The following STS variants were observed in gnomAD, a reference collection of about 807,000 sequenced individuals.
STS encodes the protein steryl-sulfatase.
STS carries 7 observed loss-of-function variants against 26.8 expected under a neutral mutation model. That is an observed-to-expected ratio of 0.26 (90% confidence interval 0.15 to 0.49). The LOEUF (loss-of-function observed/expected upper bound fraction) is 0.49. STS is among the 20% of genes least tolerant of loss of function. The pLI, the probability that STS is intolerant of heterozygous loss-of-function variation, is 0.98. For synonymous variants in STS, 199 were observed against 189.4 expected (o/e 1.05, Z -0.42); for missense variants, 434 against 465.6 (o/e 0.93, Z 0.63).
intron 9 of STS, among the ~76,000 whole-genome samples, chrX:7,331,609 A>G (rs1313834061): frequency 8.9e-6 from 1 of 112,052 alleles, no homozygotes; most frequent in Non-Finnish European, 1.9e-5. Flanking sequence ...TTCTAAAAGC[A>G]TTTTTGTACT....
At chrX:7,210,334 G>T (rs778630949) in intron 2 of STS, among the ~76,000 whole-genome samples, 1 of 110,263 alleles carries the variant, frequency 9.1e-6, no homozygotes, top group Admixed American at 9.8e-5. Flanking sequence ...GTGTGAGATG[G>T]TATCTCATTG....
At chrX:7,301,997 TATAA>T (rs1448342955) in intron 7 of STS, among the ~76,000 whole-genome samples, 1 of 112,306 alleles carries the variant, frequency 8.9e-6, no homozygotes, top group Non-Finnish European at 1.9e-5. Context: ...TTTTGACGAT[TATAA>T]ATAGACATGG....
At chrX:7,244,783 T>G (rs1922788073) in intron 2 of STS, among the ~76,000 whole-genome samples, 1 of 111,233 alleles carries the variant, frequency 9.0e-6, no homozygotes, top group Admixed American at 9.6e-5. Context: ...CCAGTCCACA[T>G]GTCAATAGTG....
intron 2 of STS, among the ~76,000 whole-genome samples, chrX:7,250,143 G>A (rs747675402): frequency 9.1e-6 from 1 of 109,985 alleles, no homozygotes; most frequent in Non-Finnish European, 1.9e-5. Context: ...TCCCAGGCTG[G>A]TCTCCAACTC....
intron 2 of STS, among the ~76,000 whole-genome samples, chrX:7,191,714 C>A (rs1390342077): frequency 3.7e-5 from 4 of 108,857 alleles, no homozygotes; most frequent in African/African-American, 1.4e-4. Context: ...GCTTTTTCCC[C>A]TGGTGGAGTT....
At chrX:7,259,242 C>A in intron 5 of STS, 107 bp from the exon 6 acceptor site, 1 of 869,013 alleles carries the variant, frequency 1.2e-6, no homozygotes, top group Non-Finnish European at 1.7e-6. Context: ...AGGCTAGCTT[C>A]ATGAAATAGT....
chrX:7,331,423 A>G (rs1163166345), intron 9 of STS, among the ~76,000 whole-genome samples: 2 of 111,007 alleles, frequency 1.8e-5, no homozygotes, highest in African/African-American at 6.6e-5. Context: ...AAGAGCCATG[A>G]GGGCACTAGG....
intron 1 of STS, among the ~76,000 whole-genome samples, chrX:7,170,527 T>TC (rs1296520925): frequency 9.0e-6 from 1 of 110,958 alleles, no homozygotes; most frequent in African/African-American, 3.3e-5. Context: ...AGCCTTAAAG[T>TC]CCTGGGCTCA....
At chrX:7,349,841 C>A (rs754211095) in intron 10 of STS, 47 bp from the exon 11 acceptor site, 3 of 1,207,394 alleles carry the variant, frequency 2.5e-6, no homozygotes, top group Non-Finnish European at 3.4e-6. Context: ...GTGGTACATA[C>A]AAGGATGCTT....
At chrX:7,266,982 T>C (rs1174167644) in intron 6 of STS, among the ~76,000 whole-genome samples, 1 of 112,227 alleles carries the variant, frequency 8.9e-6, no homozygotes, top group Non-Finnish European at 1.9e-5. Flanking sequence ...TAAATAGATG[T>C]CTCACTGTGG....
intron 2 of STS, among the ~76,000 whole-genome samples, chrX:7,209,224 G>A (rs984064710): frequency 2.7e-5 from 3 of 110,863 alleles, no homozygotes; most frequent in Admixed American, 1.9e-4. Context: ...TTACATGTAG[G>A]GGTGGTGCCA....
intron 7 of STS, among the ~76,000 whole-genome samples, chrX:7,302,343 T>G (rs1181393694): frequency 9.0e-6 from 1 of 111,451 alleles, no homozygotes; most frequent in Non-Finnish European, 1.9e-5. Flanking sequence ...CTCATTAAGC[T>G]AATTACCATT....
chrX:7,172,444 C>T lies in STS; in HGVS notation c.-133-18436C>T, dbSNP rs138822709. 1.2e-3 allele frequency among the ~76,000 whole-genome samples: 137 copies of T among 111,220 alleles called. 4 individuals are homozygous for T. In the East Asian group the frequency reaches 0.037, roughly 30 times the overall value. On this transcript the variant is annotated intron_variant, in intron 1 of 10. Transcript: ENST00000674429. ...CTAATTACAGTCATTTTCTACAAATCGCCTATGGAATTCATTCCTGTACTT... is the reference window on the plus strand; with the variant it reads ...CTAATTACAGTCATTTTCTACAAATTGCCTATGGAATTCATTCCTGTACTT...
chrX:7,310,361 C>G (rs1473043346), intron 8 of STS, among the ~76,000 whole-genome samples: 3 of 112,066 alleles, frequency 2.7e-5, no homozygotes, highest in Non-Finnish European at 5.6e-5. Flanking sequence ...TTAACTCTTT[C>G]TAGGAAATTT....
intron 5 of STS, 31 bp from the exon 6 acceptor site, chrX:7,259,318 G>T (rs1923603516): frequency 1.7e-6 from 2 of 1,186,547 alleles, no homozygotes; most frequent in Admixed American, 2.2e-5. Flanking sequence ...TGTTTATTGG[G>T]ACTGAAGTGA....
chrX:7,271,936 G>A (rs1410499332), intron 6 of STS, among the ~76,000 whole-genome samples: 1 of 110,047 alleles, frequency 9.1e-6, no homozygotes, highest in African/African-American at 3.3e-5. Flanking sequence ...CCCAAAGTGT[G>A]CTGTTTTGTG....
In STS at chrX:7,349,834, G is replaced by T. The variant is rs992957888; in HGVS notation, c.1364-54G>T. 13 of 1,203,710 alleles carry T rather than the reference G, an allele frequency of 1.1e-5. No homozygotes were observed. In the East Asian group the frequency reaches 3.6e-4, roughly 33 times the overall value. ...TTTCCGCATCACTTTTTCATTTGTG[G>T]TACATACAAGGATGCTTCATACCTA... On this transcript the variant is annotated intron_variant, in intron 10 of 10. Coordinates refer to ENST00000674429, the MANE Select transcript of STS (RefSeq NM_001320752.2).
chrX:7,282,007 C>T (rs1190024499), intron 7 of STS, among the ~76,000 whole-genome samples: 1 of 112,158 alleles, frequency 8.9e-6, no homozygotes, highest in Non-Finnish European at 1.9e-5. Flanking sequence ...GCTCAACTCA[C>T]AAAACGCAGA....
intron 1 of STS, among the ~76,000 whole-genome samples, chrX:7,178,276 A>G (rs984255045): frequency 8.9e-6 from 1 of 112,161 alleles, no homozygotes; most frequent in Admixed American, 9.4e-5. Flanking sequence ...CTTTCCCTTG[A>G]TTGTTCGATT....
Sources: gnomAD v4.1 joint callset for allele counts (sites outside exome capture counted in the v4.1 genomes callset) on GRCh38, gnomAD v4.1.1 for gene constraint, MANE v1.5 for transcripts, NCBI Gene and HGNC (gene_info 2026-07-23, HGNC 2026-07-21) for gene names.